Variants in SLIT3 observed in about 807,000 individuals in gnomAD.
SLIT3 encodes slit homolog 3 protein.
Under a neutral mutation model 184.0 loss-of-function variants are expected in SLIT3, and 68 were observed. That is an observed-to-expected ratio of 0.37 (90% CI 0.30 to 0.45). SLIT3 has a LOEUF of 0.45. SLIT3 is among the 20% of genes least tolerant of loss of function. SLIT3 has a pLI of 1.00. For synonymous variants in SLIT3, 831 were observed against 828.6 expected (o/e 1.00, Z -0.05); for missense variants, 1,707 against 2,026.0 (o/e 0.84, Z 3.02).
At chr5:169,297,568 T>C (rs1561792962) in intron 1 of SLIT3, among the ~76,000 whole-genome samples, 1 of 152,214 alleles carries the variant, frequency 6.6e-6, no homozygotes, top group Admixed American at 6.5e-5. Flanking sequence ...TTCTTTGTTT[T>C]AAAACACAAT....
chr5:168,886,195 G>A (rs764441412), intron 4 of SLIT3, among the ~76,000 whole-genome samples: 2 of 152,012 alleles, frequency 1.3e-5, no homozygotes, highest in Non-Finnish European at 2.9e-5. Flanking sequence ...TCCCTTCTCC[G>A]GCTAACAATA....
chr5:168,703,966 A>G (rs995104603), intron 26 of SLIT3, among the ~76,000 whole-genome samples: 1 of 150,940 alleles, frequency 6.6e-6, no homozygotes, highest in African/African-American at 2.4e-5. Flanking sequence ...AAAAAAAAAA[A>G]AAAAGACACT....
At chr5:168,763,467 A>G (rs1755228888) in intron 14 of SLIT3, among the ~76,000 whole-genome samples, 1 of 152,206 alleles carries the variant, frequency 6.6e-6, no homozygotes. Flanking sequence ...TCTGAGGGTC[A>G]GATTTGGCCT....
intron 32 of SLIT3, among the ~76,000 whole-genome samples, chr5:168,681,722 T>A (rs1761598304): frequency 6.6e-6 from 1 of 152,156 alleles, no homozygotes; most frequent in East Asian, 1.9e-4. Flanking sequence ...TTCTACCAAA[T>A]CACCAGCCCT....
chr5:168,824,825 C>G (rs973507316), intron 6 of SLIT3, among the ~76,000 whole-genome samples: 5 of 152,196 alleles, frequency 3.3e-5, no homozygotes, highest in Non-Finnish European at 7.4e-5. Context: ...TCCCTACTGG[C>G]CCAGGAAGGA....
intron 20 of SLIT3, among the ~76,000 whole-genome samples, chr5:168,739,883 G>T (rs534248588): frequency 1.1e-4 from 16 of 152,284 alleles, no homozygotes; most frequent in East Asian, 3.9e-4. Flanking sequence ...AAAAAGATTT[G>T]CAAAAATATA....
intron 3 of SLIT3, among the ~76,000 whole-genome samples, chr5:169,241,328 C>T (rs866970639): frequency 2.6e-5 from 4 of 152,090 alleles, no homozygotes; most frequent in Non-Finnish European, 2.9e-5. Context: ...ATTCTTGCAT[C>T]GATTACATGA....
At chr5:168,929,993 G>A (rs1761940136) in intron 4 of SLIT3, among the ~76,000 whole-genome samples, 1 of 152,186 alleles carries the variant, frequency 6.6e-6, no homozygotes, top group Admixed American at 6.5e-5. Flanking sequence ...ACTTAGAAGA[G>A]ACTCAGTGAG....
At chr5:169,261,555 C>T (rs1229794686) in intron 1 of SLIT3, among the ~76,000 whole-genome samples, 2 of 151,988 alleles carry the variant, frequency 1.3e-5, no homozygotes, top group East Asian at 3.9e-4. Context: ...TAAAATCCCT[C>T]CCTCCTTTCC....
In SLIT3 at chr5:169,211,715, G is replaced by A. The variant is rs148582814; in HGVS notation, c.342-18165C>T. ...GCAGTTTTGTTACATAGGTATACAC[G>A]TGCCTTGGGGGGTTCCCGCACCCAT... On this transcript the variant is annotated intron_variant, in intron 3 of 35. Coordinates refer to ENST00000519560, the MANE Select transcript of SLIT3 (RefSeq NM_003062.4). Among the ~76,000 whole-genome samples the A allele has an allele frequency of 5.9e-3, 896 of 152,180 alleles. 9 individuals carry two copies. The highest frequency in any genetic ancestry group is 0.02 in the African/African-American group (824 of 41,512).
intron 4 of SLIT3, among the ~76,000 whole-genome samples, chr5:169,056,793 C>T (rs1248975431): frequency 6.6e-6 from 1 of 152,142 alleles, no homozygotes; most frequent in Non-Finnish European, 1.5e-5. Flanking sequence ...ACTTCACAGT[C>T]CCATGGAGGA....
intron 4 of SLIT3, among the ~76,000 whole-genome samples, chr5:169,007,629 C>T (rs1164831688): frequency 6.6e-6 from 1 of 152,218 alleles, no homozygotes; most frequent in Non-Finnish European, 1.5e-5. Context: ...AGCCTGTCTG[C>T]TTCACTGAAT....
intron 6 of SLIT3, among the ~76,000 whole-genome samples, chr5:168,824,101 T>G (rs1415840860): frequency 6.6e-6 from 1 of 152,164 alleles, no homozygotes; most frequent in Admixed American, 6.6e-5. Context: ...GGCGCCTGAC[T>G]AATTTTTGTA....
At chr5:168,967,928 C>T (rs1473157413) in intron 4 of SLIT3, among the ~76,000 whole-genome samples, 2 of 152,174 alleles carry the variant, frequency 1.3e-5, no homozygotes, top group East Asian at 1.9e-4. Context: ...CAGACACTCT[C>T]GTACCTCCTG....
intron 4 of SLIT3, among the ~76,000 whole-genome samples, chr5:169,033,521 A>G (rs1209780763): frequency 1.3e-5 from 2 of 152,088 alleles, no homozygotes; most frequent in African/African-American, 4.8e-5. Flanking sequence ...TATCCATACT[A>G]TTTTACATAA....
chr5:168,729,980 A>G (rs1163250600), intron 20 of SLIT3, among the ~76,000 whole-genome samples: 1 of 152,158 alleles, frequency 6.6e-6, no homozygotes, highest in Non-Finnish European at 1.5e-5. Flanking sequence ...CAAGAAACTT[A>G]TCCTTCCCAT....
intron 4 of SLIT3, among the ~76,000 whole-genome samples, chr5:168,940,681 T>C (rs1169224390): frequency 1.3e-5 from 2 of 152,216 alleles, no homozygotes; most frequent in Non-Finnish European, 2.9e-5. Flanking sequence ...AAATCAGTCC[T>C]GAAATGAATC....
intron 4 of SLIT3, among the ~76,000 whole-genome samples, chr5:169,142,535 G>A (rs1415323341): frequency 1.3e-5 from 2 of 152,188 alleles, no homozygotes; most frequent in African/African-American, 4.8e-5. Flanking sequence ...CTAAGACTGA[G>A]AGTATAAACT....
intron 4 of SLIT3, among the ~76,000 whole-genome samples, chr5:169,152,821 T>A (rs1004086182): frequency 5.3e-5 from 8 of 152,184 alleles, no homozygotes; most frequent in African/African-American, 1.9e-4. Context: ...TGTGAGGGGC[T>A]GTAATGACAC....
Sources: gnomAD v4.1 joint callset for allele counts (sites outside exome capture counted in the v4.1 genomes callset) on GRCh38, gnomAD v4.1.1 for gene constraint, MANE v1.5 for transcripts, NCBI Gene and HGNC (gene_info 2026-07-23, HGNC 2026-07-21) for gene names.